The following USP43 variants were observed in gnomAD, a reference collection of about 807,000 sequenced individuals.
USP43 encodes the protein ubiquitin carboxyl-terminal hydrolase 43.
In USP43, 33 loss-of-function variants were observed where a neutral mutation model predicts 90.7. That is an observed-to-expected ratio of 0.36 (90% confidence interval 0.28 to 0.49). The LOEUF (loss-of-function observed/expected upper bound fraction) is 0.49. Ranked by LOEUF, USP43 falls within the 20% of genes least tolerant of loss-of-function variation. The pLI, the probability that USP43 is intolerant of heterozygous loss-of-function variation, is 0.98. For synonymous variants in USP43, 598 were observed against 615.8 expected (o/e 0.97, Z 0.43); for missense variants, 1,274 against 1,476.4 (o/e 0.86, Z 2.25).
intron 3 of USP43, among the ~76,000 whole-genome samples, chr17:9,672,342 T>C (rs955413896): frequency 2.6e-5 from 4 of 152,154 alleles, no homozygotes; most frequent in African/African-American, 9.7e-5. Flanking sequence ...CTACTTTTTT[T>C]CTACAAACCA....
intron 8 of USP43, among the ~76,000 whole-genome samples, chr17:9,687,602 A>T (rs979078512): frequency 6.6e-6 from 1 of 152,162 alleles, no homozygotes; most frequent in African/African-American, 2.4e-5. Flanking sequence ...GACACAGAAG[A>T]TGTTGAAATT....
At chr17:9,668,221 G>GT (rs1188860831) in intron 3 of USP43, among the ~76,000 whole-genome samples, 6 of 152,138 alleles carry the variant, frequency 3.9e-5, no homozygotes, top group Non-Finnish European at 1.5e-5. Context: ...CTCTGCAGTG[G>GT]TTTTTTGGAG....
At chr17:9,714,231 C>A (rs1369407840) in intron 14 of USP43, among the ~76,000 whole-genome samples, 1 of 152,182 alleles carries the variant, frequency 6.6e-6, no homozygotes, top group Non-Finnish European at 1.5e-5. Flanking sequence ...TCCTAACAGG[C>A]TGTGGATCAG....
At chr17:9,679,571 G>A (rs1345499341) in intron 5 of USP43, among the ~76,000 whole-genome samples, 1 of 144,388 alleles carries the variant, frequency 6.9e-6, no homozygotes, top group East Asian at 2.0e-4. Context: ...TGTCGCCCAG[G>A]CTGGAGTGCA....
intron 1 of USP43, among the ~76,000 whole-genome samples, chr17:9,654,736 A>T (rs1193402908): frequency 1.3e-5 from 2 of 150,410 alleles, no homozygotes; most frequent in Non-Finnish European, 3.0e-5. Flanking sequence ...AATCTCCTTT[A>T]TTTTTAGTTT....
At position 9,681,181 on chromosome 17, in the gene USP43, TA is replaced by T. The variant is rs1192741350; in HGVS notation, c.1105+816del. Among the ~76,000 whole-genome samples the T allele has an allele frequency of 3.1e-3, 291 of 92,814 alleles. 26 individuals are homozygous for T. Among genetic ancestry groups the T allele is most frequent in the Admixed American group, 5.0e-3 (34 of 6,746 alleles). The allele number at this position is 92,814 out of a possible 152,430, so 60.9% of individuals were successfully genotyped here. ...ATACTATATAATATATACTATATAA[TA>T]TACTATATAATATATACTATATAAT... On this transcript the variant is annotated intron_variant, in intron 6 of 14. Transcript: ENST00000285199.
chr17:9,645,670 C>T lies in USP43; in HGVS notation c.38C>T (p.Pro13Leu), dbSNP rs1160942498. The change falls in exon 1 of 15, where the codon CCG becomes CTG. Residue 13 changes from proline to leucine, a missense_variant. Coordinates refer to ENST00000285199, the MANE Select transcript of USP43 (RefSeq NM_153210.5). The surrounding 1 kb of genome is among the most constrained non-coding windows in gnomAD (Gnocchi z 6.8). ...CCCGGGGACGCGGCAGGAGGGGGAC[C>T]GCTCGCGCCCCGGCCCCGCCGCCGC... Reference protein sequence around the residue: ...LGPGDAAGGGPLAPRPRRRRS... With the variant: ...LGPGDAAGGGLLAPRPRRRRS... 6 of 1,272,874 alleles carry T rather than the reference C, an allele frequency of 4.7e-6. No homozygotes were observed. The highest frequency in any genetic ancestry group is 4.9e-6 in the Non-Finnish European group (5 of 1,015,526). The allele number at this position is 1,272,874 out of a possible 1,614,324, so 78.8% of individuals were successfully genotyped here.
In USP43 at chr17:9,682,957, A is replaced by G. The variant is rs201233524; in HGVS notation, c.1240A>G (p.Arg414Gly). Reference protein sequence around the residue: ...NLVGSGQQASRFGPPFLIRED... With the variant: ...NLVGSGQQASGFGPPFLIRED... ...GGTGGGGTCAGGGCAGCAGGCTAGCAGGTATGTTTCACTTTATTCTTTTTT... is the reference window on the plus strand; with the variant it reads ...GGTGGGGTCAGGGCAGCAGGCTAGCGGGTATGTTTCACTTTATTCTTTTTT... The change falls in exon 7 of 15, where the codon AGG becomes GGG. Residue 414 changes from arginine to glycine, a missense_variant and splice_region_variant. Physicochemically the swap from Arg to Gly is moderately radical, Grantham distance 125. Around this residue, in one of 6 missense-constraint regions of USP43, gnomAD observed 253 missense variants for 276.0 expected, o/e 0.92. Coordinates refer to ENST00000285199, the MANE Select transcript of USP43 (RefSeq NM_153210.5). 6.2e-7 allele frequency: 1 copy of G among 1,612,918 alleles called. No individual in the cohort carries two copies. Among genetic ancestry groups the G allele is most frequent in the Non-Finnish European group, 8.5e-7 (1 of 1,179,174 alleles).
At chr17:9,727,197 C>T (rs756109155) in intron 14 of USP43, among the ~76,000 whole-genome samples, 11 of 152,150 alleles carry the variant, frequency 7.2e-5, no homozygotes, top group Admixed American at 3.3e-4. Flanking sequence ...GTCTCGAACT[C>T]CTGACCTTGT....
chr17:9,703,906 G>A (rs1370043638), intron 12 of USP43, among the ~76,000 whole-genome samples: 1 of 152,176 alleles, frequency 6.6e-6, no homozygotes, highest in Non-Finnish European at 1.5e-5. Context: ...TTTAGGTGAA[G>A]CTCACCCTCA....
Position 9,666,682 on chromosome 17 carries a change from G to T in USP43, c.671G>T (p.Cys224Phe). The change falls in exon 3 of 15, where the codon TGC (cysteine) becomes TTC (phenylalanine). Residue 224 changes from cysteine (C) to phenylalanine (F), a missense_variant. Coordinates refer to ENST00000285199, the MANE Select transcript of USP43 (RefSeq NM_153210.5). Reference protein sequence around the residue: ...PPEATKTSENCLSPSAQLPLG... With the variant: ...PPEATKTSENFLSPSAQLPLG... ...GAAGCCACTAAAACCTCTGAGAACT[G>T]CCTGTCACCATCAGCTCAGCTTCCT... 6.2e-7 allele frequency: 1 copy of T among 1,613,412 alleles called. No homozygotes were observed. Among genetic ancestry groups the T allele is most frequent in the East Asian group, 2.2e-5 (1 of 44,868 alleles).
intron 12 of USP43, among the ~76,000 whole-genome samples, chr17:9,707,440 A>T: frequency 6.6e-6 from 1 of 152,050 alleles, no homozygotes; most frequent in Non-Finnish European, 1.5e-5. Flanking sequence ...AGGTCAGGAG[A>T]TCAAGACCAT....
chr17:9,682,756 C>T, intron 6 of USP43, 67 bp from the exon 7 acceptor site: 2 of 1,565,204 alleles, frequency 1.3e-6, no homozygotes, highest in Non-Finnish European at 1.7e-6. Flanking sequence ...ACTAGAGAAG[C>T]TAAGGCTCTG....
In USP43 at chr17:9,678,187, T is replaced by C. The variant is rs770814969; in HGVS notation, c.969+1306T>C. On this transcript the variant is annotated intron_variant, in intron 5 of 14. Transcript: ENST00000285199. ...AAATCTGGCAGGAATTTGAGAGGTG[T>C]GATGTGTTGGTTCAGGGAGATGGGA... 9.9e-5 allele frequency among the ~76,000 whole-genome samples: 15 copies of C among 152,142 alleles called. 1 individual carries two copies. The highest frequency in any genetic ancestry group is 3.3e-4 in the Admixed American group (5 of 15,278).
intron 5 of USP43, among the ~76,000 whole-genome samples, chr17:9,679,594 C>T (rs545644707): frequency 1.6e-4 from 24 of 145,864 alleles, no homozygotes; most frequent in Non-Finnish European, 8.9e-5. Flanking sequence ...GGCACGATCT[C>T]GGCTCACTGC....
At chr17:9,662,307 G>C (rs550138159) in intron 2 of USP43, among the ~76,000 whole-genome samples, 1 of 152,114 alleles carries the variant, frequency 6.6e-6, no homozygotes, top group Admixed American at 6.6e-5. Context: ...GCTAGGGTCC[G>C]CTATGCATCC....
intron 9 of USP43, among the ~76,000 whole-genome samples, chr17:9,696,843 T>A (rs1915296839): frequency 6.6e-6 from 1 of 152,220 alleles, no homozygotes; most frequent in Admixed American, 6.5e-5. Context: ...AGGGCACACA[T>A]CCTGCCCTCT....
At chr17:9,711,423 T>C (rs187336458) in intron 13 of USP43, among the ~76,000 whole-genome samples, 51 of 152,302 alleles carry the variant, frequency 3.3e-4, no homozygotes, top group African/African-American at 1.2e-3. Flanking sequence ...TTGTTGTTGT[T>C]GTTGTTTTGT....
intron 3 of USP43, among the ~76,000 whole-genome samples, chr17:9,673,044 A>G (rs1913540844): frequency 6.6e-6 from 1 of 152,226 alleles, no homozygotes; most frequent in South Asian, 2.1e-4. Flanking sequence ...TGCTAAGAGT[A>G]TAGACTTCAG....
Sources: allele counts gnomAD v4.1 joint callset (sites outside exome capture counted in the v4.1 genomes callset), GRCh38; gene constraint gnomAD v4.1.1; regional missense constraint gnomAD v4.1.1; non-coding constraint Gnocchi (gnomAD v3.1); transcripts MANE v1.5; gene names NCBI Gene and HGNC (gene_info 2026-07-23, HGNC 2026-07-21).